The following HOMER2 variants were observed in gnomAD, a reference collection of about 807,000 sequenced individuals.
The protein encoded by HOMER2 is homer protein homolog 2.
In HOMER2, 27 loss-of-function variants were observed where a neutral mutation model predicts 47.0. The observed-to-expected ratio is 0.57, with a 90% CI of 0.42 to 0.79. The LOEUF (loss-of-function observed/expected upper bound fraction) is 0.79, where lower values mean the gene tolerates loss of function less well. Among genes scored for constraint, HOMER2 ranks in the 30% least tolerant of loss-of-function variants. The pLI, the probability that HOMER2 is intolerant of heterozygous loss-of-function variation, is 0.00. For missense variants in HOMER2, 443 were observed against 435.0 expected, an observed-to-expected ratio of 1.02 and a Z score of -0.16; for synonymous variants, 161 against 163.8, an observed-to-expected ratio of 0.98 and a Z score of 0.13.
At chr15:82,877,339 T>C (rs2052384499) in intron 2 of HOMER2, among the ~76,000 whole-genome samples, 1 of 152,070 alleles carries the variant, frequency 6.6e-6, no homozygotes, top group Non-Finnish European at 1.5e-5. Flanking sequence ...CCGACAAATT[T>C]TTGTATTTTT....
At chr15:82,945,652 T>A (rs780100625) in intron 1 of HOMER2, among the ~76,000 whole-genome samples, 1 of 151,918 alleles carries the variant, frequency 6.6e-6, no homozygotes, top group Admixed American at 6.6e-5. Flanking sequence ...ATTTTCCTTT[T>A]GTTAAAAAAA....
intron 1 of HOMER2, among the ~76,000 whole-genome samples, chr15:82,915,418 T>C (rs4843146): frequency 0.59 from 89,366 of 151,470 alleles, 27,977 homozygotes; most frequent in African/African-American, 0.8. Flanking sequence ...ACATCCAAAG[T>C]CTCAGAACTG....
At position 82,876,581 on chromosome 15, in the gene HOMER2, A is replaced by G. The variant is rs541088302; in HGVS notation, c.163-1177T>C. ...GGAAATAAAGGATTACTGGGTGTCT[A>G]TGTAAGGGCAGGGTAGCAATAACCA... On this transcript the variant is annotated intron_variant, in intron 2 of 8. Coordinates refer to ENST00000450735, the MANE Select transcript of HOMER2 (RefSeq NM_004839.4). 4.6e-5 allele frequency among the ~76,000 whole-genome samples: 7 copies of G among 152,344 alleles called. No homozygotes were observed. In the East Asian group the frequency reaches 7.7e-4, roughly 17 times the overall value.
intron 1 of HOMER2, among the ~76,000 whole-genome samples, chr15:82,903,326 T>C (rs572253257): frequency 6.6e-6 from 1 of 151,928 alleles, no homozygotes; most frequent in African/African-American, 2.4e-5. Flanking sequence ...TTTTAACAAG[T>C]AAAAGGCTGG....
intron 4 of HOMER2, among the ~76,000 whole-genome samples, chr15:82,859,715 T>C (rs1359655483): frequency 6.6e-6 from 1 of 152,180 alleles, no homozygotes; most frequent in African/African-American, 2.4e-5. Flanking sequence ...TGTTCAAGTG[T>C]TTTCCGTAAG....
intron 1 of HOMER2, among the ~76,000 whole-genome samples, chr15:82,923,964 A>T (rs1746072221): frequency 6.6e-6 from 1 of 152,238 alleles, no homozygotes; most frequent in South Asian, 2.1e-4. Context: ...CAGAATTAAG[A>T]CAGAGCTTGG....
intron 1 of HOMER2, among the ~76,000 whole-genome samples, chr15:82,949,477 T>C (rs1308901862): frequency 1.3e-5 from 2 of 151,566 alleles, no homozygotes; most frequent in East Asian, 3.9e-4. Context: ...AGAGGTGAAG[T>C]GAGGTGAGGC....
At chr15:82,945,736 C>T (rs1399090765) in intron 1 of HOMER2, among the ~76,000 whole-genome samples, 1 of 151,834 alleles carries the variant, frequency 6.6e-6, no homozygotes, top group Non-Finnish European at 1.5e-5. Context: ...TTTGGGAGGC[C>T]AAGGCGGGCA....
rs939006726 is a variant in HOMER2, at chr15:82,850,005, G to A, written c.844-102C>T. Reference sequence around the variant, plus strand: ...CAACCATTCTCCATCCAATCTGAGGGCCTGGGCCAGGGCTTAAGCTGCCTA... The same window carrying A: ...CAACCATTCTCCATCCAATCTGAGGACCTGGGCCAGGGCTTAAGCTGCCTA... On this transcript the variant is annotated intron_variant, in intron 8 of 8. Transcript: ENST00000450735. 1.2e-5 allele frequency: 15 copies of A among 1,235,064 alleles called. No individual in the cohort carries two copies. The African/African-American group carries it at 2.1e-4, about 17-fold the overall frequency. The allele number at this position is 1,235,064 out of a possible 1,614,324, so 76.5% of individuals were successfully genotyped here.
At chr15:82,929,080 G>A (rs1292851479) in intron 1 of HOMER2, among the ~76,000 whole-genome samples, 1 of 152,016 alleles carries the variant, frequency 6.6e-6, no homozygotes, top group Admixed American at 6.5e-5. Context: ...TGTGGGCTTT[G>A]GGGAGCTTAC....
intron 7 of HOMER2, among the ~76,000 whole-genome samples, 183 bp from the exon 8 acceptor site, chr15:82,851,414 G>A (rs559476819): frequency 5.9e-5 from 9 of 152,324 alleles, no homozygotes; most frequent in Middle Eastern, 3.4e-3. Flanking sequence ...TGTGTCACAC[G>A]CCTTGTCACG....
chr15:82,906,563 G>A (rs985174064), intron 1 of HOMER2, among the ~76,000 whole-genome samples: 1 of 151,980 alleles, frequency 6.6e-6, no homozygotes, highest in African/African-American at 2.4e-5. Flanking sequence ...CTCCTGAGTA[G>A]CTGGGATTAC....
intron 1 of HOMER2, among the ~76,000 whole-genome samples, chr15:82,946,773 C>T (rs1372093938): frequency 2.0e-5 from 3 of 152,200 alleles, no homozygotes; most frequent in Non-Finnish European, 4.4e-5. Context: ...TCAATATCTA[C>T]TTATTTAGTG....
chr15:82,966,299 G>A (rs1847686080), intron 1 of HOMER2, among the ~76,000 whole-genome samples: 1 of 152,066 alleles, frequency 6.6e-6, no homozygotes, highest in African/African-American at 2.4e-5. Context: ...AAAACACGGA[G>A]AAAGAGGAAA....
intron 5 of HOMER2, among the ~76,000 whole-genome samples, chr15:82,855,466 TG>T (rs1252102894): frequency 2.6e-5 from 4 of 152,080 alleles, no homozygotes; most frequent in Non-Finnish European, 5.9e-5. Context: ...AGGAGTTTCA[TG>T]GGTGGACCGG....
chr15:82,927,753 G>C (rs1017929600), intron 1 of HOMER2, among the ~76,000 whole-genome samples: 3 of 152,120 alleles, frequency 2.0e-5, no homozygotes, highest in South Asian at 2.1e-4. Flanking sequence ...GGTGGATCAC[G>C]TGAAGTCAGG....
At chr15:82,952,200 G>A (rs1053368328) in intron 1 of HOMER2, 13 of 304,380 alleles carry the variant, frequency 4.3e-5, no homozygotes, top group African/African-American at 1.1e-4. Context: ...AGTTGACTGC[G>A]CCCAGGGGCG....
At chr15:82,948,049 A>C (rs1229491455) in intron 1 of HOMER2, among the ~76,000 whole-genome samples, 1 of 152,174 alleles carries the variant, frequency 6.6e-6, no homozygotes, top group Non-Finnish European at 1.5e-5. Context: ...GTTCAAGACC[A>C]GCCAGGCCAA....
chr15:82,853,334 A>C lies in HOMER2; in HGVS notation c.652-1082T>G, dbSNP rs17158221. On this transcript the variant is annotated intron_variant, in intron 6 of 8. Transcript: ENST00000450735. Reference sequence around the variant, plus strand: ...CAGCTCTTTTCTTGAAAATGCAAGAAAGGGCAATCGATCCCTCTGGCAGGC... The same window carrying C: ...CAGCTCTTTTCTTGAAAATGCAAGACAGGGCAATCGATCCCTCTGGCAGGC... 4.5e-3 allele frequency among the ~76,000 whole-genome samples: 690 copies of C among 152,346 alleles called. 19 individuals carry two copies. The highest frequency in any genetic ancestry group is 0.041 in the Admixed American group (633 of 15,310).
Sources: allele counts gnomAD v4.1 joint callset (sites outside exome capture counted in the v4.1 genomes callset), GRCh38; gene constraint gnomAD v4.1.1; transcripts MANE v1.5; gene names NCBI Gene and HGNC (gene_info 2026-07-23, HGNC 2026-07-21).